Variants in LHFPL3 observed in about 807,000 individuals in gnomAD.
LHFPL3 encodes LHFPL tetraspan subfamily member 3, also known as LHFPL tetraspan subfamily member 3 protein.
A neutral mutation model predicts 19.3 loss-of-function variants in LHFPL3; 5 were observed. That is an observed-to-expected ratio of 0.26 (90% CI 0.14 to 0.54). The LOEUF (loss-of-function observed/expected upper bound fraction) is 0.54. LHFPL3 is among the 20% of genes least tolerant of loss of function. LHFPL3 has a pLI of 0.94. For synonymous variants in LHFPL3, 133 were observed against 126.2 expected (o/e 1.05, Z -0.36); for missense variants, 249 against 307.4 (o/e 0.81, Z 1.42).
intron 1 of LHFPL3, among the ~76,000 whole-genome samples, chr7:104,705,886 A>C (rs1793182463): frequency 6.6e-6 from 1 of 152,148 alleles, no homozygotes; most frequent in Non-Finnish European, 1.5e-5. Context: ...AAGCATAGGC[A>C]GCTCATGCAA....
chr7:104,570,760 T>G (rs1192198826), intron 1 of LHFPL3, among the ~76,000 whole-genome samples: 1 of 152,176 alleles, frequency 6.6e-6, no homozygotes, highest in East Asian at 1.9e-4. Context: ...CACGGGGGTT[T>G]GTTGTACAGA....
At chr7:104,666,902 TAGAC>T (rs1021141417) in intron 1 of LHFPL3, among the ~76,000 whole-genome samples, 30 of 152,290 alleles carry the variant, frequency 2.0e-4, no homozygotes, top group African/African-American at 5.1e-4. Flanking sequence ...CATCTGTTGA[TAGAC>T]AGGTTGATTC....
intron 1 of LHFPL3, among the ~76,000 whole-genome samples, chr7:104,394,167 A>C (rs1320720172): frequency 1.3e-5 from 2 of 152,204 alleles, no homozygotes; most frequent in African/African-American, 2.4e-5. Flanking sequence ...CTGAAAGACT[A>C]CCTAGCGTAG....
chr7:104,839,668 TAAAAAA>T (rs1562810439), intron 2 of LHFPL3, among the ~76,000 whole-genome samples: 1 of 148,386 alleles, frequency 6.7e-6, no homozygotes, highest in Non-Finnish European at 1.5e-5. Context: ...GACTCTACCT[TAAAAAA>T]AGAAAAAAAA....
rs117479646 is a variant in LHFPL3, at chr7:104,432,879, G to A, written c.445+103655G>A. 5.4e-3 allele frequency among the ~76,000 whole-genome samples: 823 copies of A among 152,000 alleles called. 5 individuals carry two copies. Among genetic ancestry groups the A allele is most frequent in the Non-Finnish European group, 8.1e-3 (549 of 67,980 alleles). Reference sequence around the variant, plus strand: ...TCTTCCTGTGTTTTAGCCTTAATCTGGGCCATGACCACCCCTTGCCTGAGA... The same window carrying A: ...TCTTCCTGTGTTTTAGCCTTAATCTAGGCCATGACCACCCCTTGCCTGAGA... On this transcript the variant is annotated intron_variant, in intron 1 of 2. Transcript: ENST00000424859.
intron 2 of LHFPL3, among the ~76,000 whole-genome samples, chr7:104,854,779 G>A (rs988828459): frequency 1.3e-5 from 2 of 152,144 alleles, no homozygotes; most frequent in Non-Finnish European, 2.9e-5. Context: ...AGCACCATTT[G>A]TCTAAGTAAA....
intron 1 of LHFPL3, among the ~76,000 whole-genome samples, chr7:104,604,535 C>G (rs1038351242): frequency 6.6e-6 from 1 of 152,210 alleles, no homozygotes; most frequent in Non-Finnish European, 1.5e-5. Context: ...CTAAACATAC[C>G]TTTTCAATCT....
chr7:104,436,055 A>G (rs17137665), intron 1 of LHFPL3, among the ~76,000 whole-genome samples: 26,090 of 152,102 alleles, frequency 0.17, 3,461 homozygotes, highest in African/African-American at 0.37. Context: ...GCTATTCATT[A>G]TAGTCTAGAC....
In LHFPL3 at chr7:104,834,343, A is replaced by G. The variant is rs906312848; in HGVS notation, c.683-71844A>G. ...TCTCAAAAAAATAAAAAGAAAAAAA[A>G]AAGGAATAACTGAGTCCTCAAGAGG... is the stretch of plus-strand genomic sequence containing the variant. On this transcript the variant is annotated intron_variant, in intron 2 of 2. Transcript: ENST00000424859. 3.3e-4 allele frequency among the ~76,000 whole-genome samples: 50 copies of G among 151,918 alleles called. 1 individual carries two copies. The highest frequency in any genetic ancestry group is 3.3e-3 in the Admixed American group (50 of 15,274).
intron 1 of LHFPL3, among the ~76,000 whole-genome samples, chr7:104,419,907 G>T (rs140975761): frequency 1.8e-3 from 269 of 152,184 alleles, no homozygotes; most frequent in Middle Eastern, 6.8e-3. Flanking sequence ...GAAGTATCCC[G>T]GTTCTATCCT....
intron 1 of LHFPL3, among the ~76,000 whole-genome samples, chr7:104,341,019 C>G (rs1024405): frequency 0.14 from 21,001 of 152,164 alleles, 2,495 homozygotes; most frequent in African/African-American, 0.32. Context: ...ATATTATCAG[C>G]TGTTACCCAA....
At chr7:104,865,345 G>T (rs1023053444) in intron 2 of LHFPL3, among the ~76,000 whole-genome samples, 1 of 152,120 alleles carries the variant, frequency 6.6e-6, no homozygotes, top group African/African-American at 2.4e-5. Context: ...TTAGACGAAT[G>T]GCTAACTAGA....
chr7:104,430,456 T>TATA (rs1562895386), intron 1 of LHFPL3, among the ~76,000 whole-genome samples: 4 of 11,194 alleles, frequency 3.6e-4, no homozygotes, highest in South Asian at 4.5e-3. Context: ...ATATATATAT[T>TATA]TTTTTTTTTT....
intron 1 of LHFPL3, among the ~76,000 whole-genome samples, chr7:104,625,841 A>G (rs1034562233): frequency 1.3e-5 from 2 of 152,172 alleles, no homozygotes; most frequent in African/African-American, 2.4e-5. Flanking sequence ...ACCAAATACA[A>G]TGAAGGATTA....
At position 104,736,808 on chromosome 7, in the gene LHFPL3, T is replaced by C; in HGVS notation, c.579T>C (p.Ala193=). The C allele has an allele frequency of 6.2e-7, 1 of 1,613,438 alleles. No individual in the cohort carries two copies. Among genetic ancestry groups the C allele is most frequent in the Non-Finnish European group, 8.5e-7 (1 of 1,179,742 alleles). Reference sequence around the variant, plus strand: ...CAGTCCGCTGGGCATACATCCTGGCTATTATTGGAATTTTGGATGCCCTGA... The same window carrying C: ...CAGTCCGCTGGGCATACATCCTGGCCATTATTGGAATTTTGGATGCCCTGA... The part of the protein sequence containing the change: ...ACSVRWAYIL[A]IIGILDALIL... Residue 193 remains alanine (A), a synonymous_variant, in exon 2 of 3, where the codon GCT becomes GCC. Coordinates refer to ENST00000424859, the MANE Select transcript of LHFPL3 (RefSeq NM_199000.3).
At chr7:104,803,341 G>A (rs1054383296) in intron 2 of LHFPL3, 5 of 152,214 alleles carry the variant, frequency 3.3e-5, no homozygotes, top group South Asian at 4.1e-4. Context: ...AAAGATAAAA[G>A]TCTGTGGACC....
chr7:104,629,701 C>A (rs939978127), intron 1 of LHFPL3, among the ~76,000 whole-genome samples: 2 of 152,150 alleles, frequency 1.3e-5, no homozygotes, highest in African/African-American at 4.8e-5. Flanking sequence ...GTTGAGAAAA[C>A]TATTTAAGAT....
At chr7:104,886,005 T>C (rs572606897) in intron 2 of LHFPL3, among the ~76,000 whole-genome samples, 33 of 152,308 alleles carry the variant, frequency 2.2e-4, no homozygotes, top group African/African-American at 7.9e-4. Context: ...TCAGGGAAAG[T>C]GTCCCTGACC....
At chr7:104,851,507 A>G (rs1396721209) in intron 2 of LHFPL3, among the ~76,000 whole-genome samples, 1 of 152,188 alleles carries the variant, frequency 6.6e-6, no homozygotes, top group Non-Finnish European at 1.5e-5. Context: ...TGGCTTTCAA[A>G]ATCTGAGGTT....
Sources: allele counts gnomAD v4.1 joint callset (sites outside exome capture counted in the v4.1 genomes callset), GRCh38; gene constraint gnomAD v4.1.1; transcripts MANE v1.5; gene names NCBI Gene and HGNC (gene_info 2026-07-23, HGNC 2026-07-21).